Variants in GBE1 observed in about 807,000 individuals in gnomAD.
GBE1 encodes the protein 1,4-alpha-glucan-branching enzyme.
In GBE1, 70 loss-of-function variants were observed where a neutral mutation model predicts 88.8. The ratio of observed to expected loss-of-function variants is 0.79; its 90% CI spans 0.65 to 0.96. The LOEUF (loss-of-function observed/expected upper bound fraction) is 0.96, where lower values mean the gene tolerates loss of function less well. Ranked by LOEUF, GBE1 falls within the 40% of genes least tolerant of loss-of-function variation. The pLI, the probability that GBE1 is intolerant of heterozygous loss-of-function variation, is 0.00. For synonymous variants in GBE1, 284 were observed against 300.1 expected (o/e 0.95, Z 0.56); for missense variants, 872 against 871.0 (o/e 1.00, Z -0.01).
At chr3:81,643,035 G>A (rs373638903) in intron 6 of GBE1, 45 bp from the exon 7 acceptor site, 1 of 1,293,008 alleles carries the variant, frequency 7.7e-7, no homozygotes, top group Non-Finnish European at 1.1e-6. Flanking sequence ...ATCACATTTA[G>A]AGGAAACAGC....
chr3:81,611,004 T>TA (rs34262810), intron 7 of GBE1, among the ~76,000 whole-genome samples: 18,625 of 146,898 alleles, frequency 0.13, 1,359 homozygotes, highest in East Asian at 0.21. Flanking sequence ...ACTGGGGCTT[T>TA]AAAAAAAAAA....
chr3:81,617,148 A>G (rs1168718791), intron 7 of GBE1, among the ~76,000 whole-genome samples: 2 of 152,042 alleles, frequency 1.3e-5, no homozygotes, highest in East Asian at 1.9e-4. Flanking sequence ...TATATATACA[A>G]TCATGTCAAC....
In GBE1 at chr3:81,648,980, G is replaced by A. The variant is rs1373035166; in HGVS notation, c.567C>T (p.Ser189=). 1.7e-5 allele frequency: 26 copies of A among 1,574,244 alleles called. No homozygotes were observed. Among genetic ancestry groups the A allele is most frequent in the South Asian group, 2.4e-5 (2 of 84,790 alleles). Residue 189 remains serine (S), a synonymous_variant, in exon 5 of 16, where the codon TCC becomes TCT. Transcript: ENST00000429644. ...TTAGACTCCGTGGCTTCTTTGGTCT[G>A]GAATGCTTAAACTACAGAATATAAA... ...DPEHSYEFKH[S]RPKKPRSLRI... is the part of the protein sequence containing the mutation.
At chr3:81,750,539 G>GTATATATATATATATGTATA (rs71108342) in intron 1 of GBE1, among the ~76,000 whole-genome samples, 2 of 66,410 alleles carry the variant, frequency 3.0e-5, no homozygotes. Flanking sequence ...ATATATATAC[G>GTATATATATATATATGTATA]TATATATATA....
chr3:81,570,644 A>G (rs1212796167), intron 12 of GBE1, among the ~76,000 whole-genome samples: 1 of 152,232 alleles, frequency 6.6e-6, no homozygotes, highest in East Asian at 1.9e-4. Context: ...AGTAGGAAGC[A>G]GAGATATCTG....
At position 81,540,781 on chromosome 3, in the gene GBE1, T is replaced by G. The variant is rs570868074; in HGVS notation, c.1619-3686A>C. ...AATAATGTTGTTACAAGACACAGAC[T>G]GATTGGGTAAATCAGATTACTATGT... On this transcript the variant is annotated intron_variant, in intron 12 of 15. Transcript: ENST00000429644. Among the ~76,000 whole-genome samples, 26 of 152,222 alleles carry G rather than the reference T, an allele frequency of 1.7e-4. No homozygotes were observed. In the East Asian group the frequency reaches 3.5e-3, roughly 20 times the overall value.
At chr3:81,693,521 T>G (rs1705550754) in intron 2 of GBE1, among the ~76,000 whole-genome samples, 1 of 152,164 alleles carries the variant, frequency 6.6e-6, no homozygotes, top group Non-Finnish European at 1.5e-5. Context: ...AAACCATCCA[T>G]TTCCTCCGCT....
At chr3:81,756,365 C>T (rs985170057) in intron 1 of GBE1, among the ~76,000 whole-genome samples, 6 of 152,044 alleles carry the variant, frequency 3.9e-5, no homozygotes, top group African/African-American at 1.4e-4. Context: ...GTGAATTGAC[C>T]ATAGACTCAC....
chr3:81,593,367 G>GAATAAT (rs1391486224), intron 8 of GBE1, among the ~76,000 whole-genome samples: 1 of 73,000 alleles, frequency 1.4e-5, no homozygotes, highest in Admixed American at 1.3e-4. Context: ...TCTGTCTCAA[G>GAATAAT]AACAATAATA....
At chr3:81,730,612 G>A (rs1165093951) in intron 1 of GBE1, among the ~76,000 whole-genome samples, 1 of 152,122 alleles carries the variant, frequency 6.6e-6, no homozygotes, top group East Asian at 1.9e-4. Context: ...CAAATTGGGT[G>A]GCAGTTTCAC....
At chr3:81,523,330 A>G (rs1702898434) in intron 14 of GBE1, among the ~76,000 whole-genome samples, 1 of 151,312 alleles carries the variant, frequency 6.6e-6, no homozygotes, top group Non-Finnish European at 1.5e-5. Context: ...ACAATGATAA[A>G]ATGATTTTTT....
chr3:81,624,892 A>G (rs2107020424), intron 7 of GBE1, among the ~76,000 whole-genome samples: 1 of 152,172 alleles, frequency 6.6e-6, no homozygotes, highest in East Asian at 1.9e-4. Context: ...ATAGCCTAAA[A>G]TATTCACATT....
chr3:81,510,582 G>A (rs969537329), intron 14 of GBE1, among the ~76,000 whole-genome samples: 1 of 151,990 alleles, frequency 6.6e-6, no homozygotes, highest in Non-Finnish European at 1.5e-5. Flanking sequence ...ATTGTGAGGA[G>A]AAAGATTCAA....
intron 1 of GBE1, among the ~76,000 whole-genome samples, chr3:81,755,534 A>G (rs1377292898): frequency 6.6e-6 from 1 of 152,240 alleles, no homozygotes; most frequent in East Asian, 1.9e-4. Flanking sequence ...TGTTTATTGC[A>G]GCCCTATTCA....
At chr3:81,706,951 A>G (rs942889077) in intron 1 of GBE1, among the ~76,000 whole-genome samples, 1 of 152,028 alleles carries the variant, frequency 6.6e-6, no homozygotes, top group African/African-American at 2.4e-5. Context: ...AAGAAAAACA[A>G]TGAATTTGAA....
intron 7 of GBE1, among the ~76,000 whole-genome samples, chr3:81,615,228 TGAGA>T (rs1704233114): frequency 6.6e-6 from 1 of 152,134 alleles, no homozygotes; most frequent in Admixed American, 6.5e-5. Flanking sequence ...CTTTTTATCT[TGAGA>T]AAGCTGTAGA....
chr3:81,663,492 A>C (rs1216074124), intron 3 of GBE1, among the ~76,000 whole-genome samples: 1 of 152,074 alleles, frequency 6.6e-6, no homozygotes, highest in African/African-American at 2.4e-5. Flanking sequence ...TCCAGGGGAA[A>C]ACCACCTCCC....
At chr3:81,580,862 T>C (rs1703718404) in intron 11 of GBE1, among the ~76,000 whole-genome samples, 1 of 152,098 alleles carries the variant, frequency 6.6e-6, no homozygotes, top group Admixed American at 6.6e-5. Flanking sequence ...TTCTTCATTA[T>C]GACAAGGGAA....
chr3:81,750,585 A>G (rs1379814791), intron 1 of GBE1, among the ~76,000 whole-genome samples: 7 of 54,040 alleles, frequency 1.3e-4, no homozygotes, highest in South Asian at 4.0e-4. Flanking sequence ...ACGTATATAT[A>G]TACGTATATA....
Sources: gnomAD v4.1 joint callset for allele counts (sites outside exome capture counted in the v4.1 genomes callset) on GRCh38, gnomAD v4.1.1 for gene constraint, MANE v1.5 for transcripts, NCBI Gene and HGNC (gene_info 2026-07-23, HGNC 2026-07-21) for gene names.